The following NCAPH variants were observed in gnomAD, a reference collection of about 807,000 sequenced individuals.
The protein encoded by NCAPH is non-SMC condensin I complex subunit H, also known as condensin complex subunit 2.
Under a neutral mutation model 85.5 loss-of-function variants are expected in NCAPH, and 38 were observed. That is an observed-to-expected ratio of 0.44 (90% confidence interval 0.34 to 0.58). The LOEUF is 0.58. Ranked by LOEUF, NCAPH falls within the 20% of genes least tolerant of loss-of-function variation. The pLI is 0.01. For missense variants in NCAPH, 789 were observed against 916.6 expected (o/e 0.86, Z 1.80); for synonymous variants, 301 against 335.1 (o/e 0.90, Z 1.11).
intron 1 of NCAPH, among the ~76,000 whole-genome samples, chr2:96,339,624 C>T (rs2064264479): frequency 6.6e-6 from 1 of 150,464 alleles, no homozygotes; most frequent in South Asian, 2.1e-4. Context: ...AGTCCTTGAA[C>T]ACCTTGTCAT....
chr2:96,359,294 T>A, intron 10 of NCAPH, 101 bp downstream of exon 10: 1 of 1,433,158 alleles, frequency 7.0e-7, no homozygotes. Context: ...AGCCCTGTTG[T>A]GTCTCTTAAT....
intron 9 of NCAPH, among the ~76,000 whole-genome samples, chr2:96,357,966 A>G (rs2064546380): frequency 6.6e-6 from 1 of 152,164 alleles, no homozygotes; most frequent in Admixed American, 6.5e-5. Flanking sequence ...GAAAGCTTGT[A>G]CCTTGTGGAA....
intron 10 of NCAPH, 23 bp from the exon 11 acceptor site, chr2:96,360,120 T>G: frequency 7.6e-7 from 1 of 1,319,366 alleles, no homozygotes; most frequent in Non-Finnish European, 1.1e-6. Flanking sequence ...AGTGAAGTGC[T>G]GACGTCTGTG....
rs1022747440 is a variant in NCAPH at position 96,341,694 on chromosome 2, C to G, written c.72C>G (p.His24Gln). The change falls in exon 2 of 18, where the codon CAC becomes CAG. Residue 24 changes from histidine (H) to glutamine (Q), a missense_variant. Physicochemically the swap from His to Gln is conservative, Grantham distance 24. Coordinates refer to ENST00000240423, the MANE Select transcript of NCAPH (RefSeq NM_015341.5). Reference sequence around the variant, plus strand: ...CTTCAGAGACGCGAGGACACCCCCACAGTGCCTCCTCTCCTTCAGAGCGTG... The same window carrying G: ...CTTCAGAGACGCGAGGACACCCCCAGAGTGCCTCCTCTCCTTCAGAGCGTG... ...NSSSETRGHP[H>Q]SASSPSERVF... 7.4e-6 allele frequency: 12 copies of G among 1,614,124 alleles called. No homozygotes were observed. The highest frequency in any genetic ancestry group is 1.3e-5 in the African/African-American group (1 of 74,946).
intron 15 of NCAPH, among the ~76,000 whole-genome samples, chr2:96,368,634 C>T (rs764028298): frequency 9.9e-5 from 15 of 151,876 alleles, no homozygotes; most frequent in Non-Finnish European, 1.8e-4. Flanking sequence ...TCCAGCCTGG[C>T]GACAGAGCGA....
chr2:96,341,688 C>A lies in NCAPH; in HGVS notation c.66C>A (p.His22Gln), dbSNP rs1475228277. ...ACTCTTCTTCAGAGACGCGAGGACA[C>A]CCCCACAGTGCCTCCTCTCCTTCAG... ...MNNSSSETRG[H>Q]PHSASSPSER... The change falls in exon 2 of 18, where the codon CAC (histidine) becomes CAA (glutamine). Residue 22 changes from histidine (H) to glutamine (Q), a missense_variant. Physicochemically the swap from His to Gln is conservative, Grantham distance 24. Transcript: ENST00000240423. 6.2e-7 allele frequency: 1 copy of A among 1,614,088 alleles called. No homozygotes were observed. The highest frequency in any genetic ancestry group is 1.3e-5 in the African/African-American group (1 of 74,930).
intron 5 of NCAPH, among the ~76,000 whole-genome samples, chr2:96,343,894 G>T (rs1168578673): frequency 6.6e-6 from 1 of 152,194 alleles, no homozygotes; most frequent in East Asian, 1.9e-4. Flanking sequence ...TAGAGACGGG[G>T]TTTTGTCATG....
intron 9 of NCAPH, 121 bp from the exon 10 acceptor site, chr2:96,358,924 T>C: frequency 2.2e-6 from 2 of 917,236 alleles, no homozygotes; most frequent in Non-Finnish European, 3.2e-6. Flanking sequence ...AAGGAATTAT[T>C]AATAATGAAG....
intron 6 of NCAPH, 52 bp downstream of exon 6, chr2:96,344,281 G>A: frequency 6.5e-7 from 1 of 1,542,976 alleles, no homozygotes; most frequent in Non-Finnish European, 8.7e-7. Context: ...AACCTTAGGG[G>A]CTGAGACTTG....
At chr2:96,369,569 A>G (rs1207277052) in intron 17 of NCAPH, 69 bp downstream of exon 17, 6 of 1,473,042 alleles carry the variant, frequency 4.1e-6, no homozygotes, top group Non-Finnish European at 5.7e-6. Context: ...TTAGCTTTGT[A>G]TTTGATCTTT....
intron 15 of NCAPH, 142 bp from the exon 16 acceptor site, chr2:96,368,830 G>T (rs1303075731): frequency 2.4e-5 from 16 of 678,484 alleles, no homozygotes; most frequent in Non-Finnish European, 3.9e-5. Flanking sequence ...TCTCTTTGTA[G>T]ATCCTTTTTC....
chr2:96,369,515 T>C lies in NCAPH; in HGVS notation c.2166+15T>C. 6.2e-7 allele frequency: 1 copy of C among 1,607,648 alleles called. No homozygotes were observed. Among genetic ancestry groups the C allele is most frequent in the South Asian group, 1.1e-5 (1 of 90,936 alleles). Reference sequence around the variant, plus strand: ...CCAATGAAAAGGTAGGTAATTAAGGTAAGCATGGGAGTATTAGAGTATTCC... The same window carrying C: ...CCAATGAAAAGGTAGGTAATTAAGGCAAGCATGGGAGTATTAGAGTATTCC... On this transcript the variant is annotated intron_variant, in intron 17 of 17. Coordinates refer to ENST00000240423, the MANE Select transcript of NCAPH (RefSeq NM_015341.5).
chr2:96,373,657 T>G lies in NCAPH; in HGVS notation c.*306T>G, dbSNP rs1481753191. 4 of 232,770 alleles carry G rather than the reference T, an allele frequency of 1.7e-5. No homozygotes were observed. The highest frequency in any genetic ancestry group is 2.5e-5 in the Non-Finnish European group (3 of 120,334). 14.4% of individuals were successfully genotyped at this position (232,770 alleles called of 1,614,324 possible). On this transcript the variant is annotated 3_prime_UTR_variant, in exon 18 of 18. Coordinates refer to ENST00000240423, the MANE Select transcript of NCAPH (RefSeq NM_015341.5). Reference sequence around the variant, plus strand: ...TATATCCATTCTTTATATCAATGTATAGTTTTAGTCTCCTAAATTGATCTG... The same window carrying G: ...TATATCCATTCTTTATATCAATGTAGAGTTTTAGTCTCCTAAATTGATCTG...
At chr2:96,364,156 G>C (rs146907704) in intron 12 of NCAPH, among the ~76,000 whole-genome samples, 1 of 152,358 alleles carries the variant, frequency 6.6e-6, no homozygotes, top group African/African-American at 2.4e-5. Context: ...CTTTCAGAAA[G>C]CTGGAGGGTA....
chr2:96,362,981 A>T lies in NCAPH; in HGVS notation c.1588-1500A>T, dbSNP rs2064647542. On this transcript the variant is annotated intron_variant, in intron 12 of 17. Transcript: ENST00000240423. ...ATAAAATGCTATCAAACAGCATTGT[A>T]TGCTTCAGAGAAATCTTTAGTGACA... 2.0e-5 allele frequency among the ~76,000 whole-genome samples: 3 copies of T among 152,250 alleles called. No individual in the cohort carries two copies. The South Asian group carries it at 6.2e-4, about 31-fold the overall frequency.
chr2:96,349,270 C>G (rs2064404093), intron 6 of NCAPH, among the ~76,000 whole-genome samples: 1 of 152,032 alleles, frequency 6.6e-6, no homozygotes, highest in Non-Finnish European at 1.5e-5. Flanking sequence ...GCTTTTTTTG[C>G]TCTGTAAGTT....
At chr2:96,365,746 T>C (rs1322722646) in intron 13 of NCAPH, 130 bp from the exon 14 acceptor site, 18 of 892,922 alleles carry the variant, frequency 2.0e-5, no homozygotes, top group Non-Finnish European at 2.9e-5. Context: ...TAGAAGTTCA[T>C]CGTAGTGTAA....
At chr2:96,370,621 A>G (rs910948748) in intron 17 of NCAPH, among the ~76,000 whole-genome samples, 2 of 152,158 alleles carry the variant, frequency 1.3e-5, no homozygotes, top group Admixed American at 6.5e-5. Flanking sequence ...TCTCTTGTCA[A>G]TACCTTGCTT....
intron 7 of NCAPH, 69 bp downstream of exon 7, chr2:96,352,089 G>A: frequency 7.1e-7 from 1 of 1,410,706 alleles, no homozygotes; most frequent in Non-Finnish European, 9.7e-7. Flanking sequence ...TAACCATGGG[G>A]TACAATAAGC....
Sources: allele counts gnomAD v4.1 joint callset (sites outside exome capture counted in the v4.1 genomes callset), GRCh38; gene constraint gnomAD v4.1.1; transcripts MANE v1.5; gene names NCBI Gene and HGNC (gene_info 2026-07-23, HGNC 2026-07-21).